ANK2: variants seen among roughly 807,000 people sequenced by gnomAD.
The protein encoded by ANK2 is ankyrin 2, also known as ankyrin-2.
Under a neutral mutation model 360.5 loss-of-function variants are expected in ANK2, and 83 were observed. The observed-to-expected ratio is 0.23, with a 90% CI of 0.19 to 0.28. ANK2 has a LOEUF of 0.28. ANK2 is among the 10% of genes least tolerant of loss of function. The probability of loss-of-function intolerance (pLI) is 1.00; values close to 1 mark genes in which losing one functional copy is unlikely to be tolerated. For missense variants in ANK2, 4,201 were observed against 4,795.7 expected (o/e 0.88, Z 3.66); for synonymous variants, 1,740 against 1,759.5 (o/e 0.99, Z 0.28).
chr4:113,018,200 A>T (rs1320927659), intron 2 of ANK2, among the ~76,000 whole-genome samples: 1 of 152,220 alleles, frequency 6.6e-6, no homozygotes, highest in African/African-American at 2.4e-5. Context: ...GAAATTAATG[A>T]TATAAAACAC....
upstream of ANK2, among the ~76,000 whole-genome samples, chr4:112,814,266 G>A (rs1280502547): frequency 1.3e-5 from 2 of 152,076 alleles, no homozygotes; most frequent in Non-Finnish European, 2.9e-5. Context: ...GAAAACAAGT[G>A]TTAATTACCT....
the ANK2 span, among the ~76,000 whole-genome samples, chr4:112,716,346 C>T: frequency 6.6e-6 from 1 of 152,252 alleles, no homozygotes; most frequent in South Asian, 2.1e-4. Context: ...TCCCTCCAAC[C>T]TTGGCCTCCC....
At chr4:112,716,581 G>A in the ANK2 span, among the ~76,000 whole-genome samples, 1 of 151,998 alleles carries the variant, frequency 6.6e-6, no homozygotes, top group Non-Finnish European at 1.5e-5. Context: ...TAGAGATGGG[G>A]GCCTCCTATA....
chr4:113,277,869 G>T lies in ANK2; in HGVS notation c.1716G>T (p.Lys572Asn), dbSNP rs1252426929. 1 of 1,614,074 alleles carries T rather than the reference G, an allele frequency of 6.2e-7. No individual in the cohort carries two copies. The highest frequency in any genetic ancestry group is 8.5e-7 in the Non-Finnish European group (1 of 1,179,928). Residue 572 changes from lysine (K) to asparagine (N), a missense_variant, in exon 16 of 46, where the codon AAG becomes AAT. Transcript: ENST00000357077. Reference protein sequence around the residue: ...KGFTPLHVAAKYGSLDVAKLL... With the variant: ...KGFTPLHVAANYGSLDVAKLL... ...TTACTCCCCTGCATGTAGCAGCCAA[G>T]TATGGAAGCCTGGATGTGGCAAAAC...
At chr4:113,284,325 G>A (rs936156700) in intron 18 of ANK2, among the ~76,000 whole-genome samples, 1 of 152,122 alleles carries the variant, frequency 6.6e-6, no homozygotes, top group Middle Eastern at 3.4e-3. Context: ...GTATGAAGGG[G>A]GCATGTGTTT....
chr4:113,096,433 A>G (rs1380185758), intron 1 of ANK2, among the ~76,000 whole-genome samples: 2 of 152,116 alleles, frequency 1.3e-5, no homozygotes, highest in African/African-American at 4.8e-5. Flanking sequence ...GGGTCCTTCT[A>G]TCTTGCTTCT....
At chr4:112,881,493 A>G (rs17045093) in intron 1 of ANK2, among the ~76,000 whole-genome samples, 1,524 of 152,350 alleles carry the variant, frequency 0.01, 15 homozygotes, top group African/African-American at 0.026. Flanking sequence ...CAGCTGCTAG[A>G]TATTCAAAGT....
intron 1 of ANK2, among the ~76,000 whole-genome samples, chr4:112,841,020 C>T (rs920941868): frequency 1.3e-5 from 2 of 152,202 alleles, no homozygotes; most frequent in African/African-American, 4.8e-5. Context: ...ACAAGGAACA[C>T]TTCTGGAAGT....
At chr4:112,763,982 C>A in the ANK2 span, among the ~76,000 whole-genome samples, 1 of 150,722 alleles carries the variant, frequency 6.6e-6, no homozygotes, top group Non-Finnish European at 1.5e-5. Context: ...CTGGCTCTGT[C>A]GTCCAGGCTG....
chr4:112,911,138 A>ACAAAATTT (rs2087114410), intron 2 of ANK2, among the ~76,000 whole-genome samples: 1 of 136,912 alleles, frequency 7.3e-6, no homozygotes, highest in Non-Finnish European at 1.5e-5. Context: ...TTGTATTTTT[A>ACAAAATTT]GTAGAGACTT....
intron 1 of ANK2, among the ~76,000 whole-genome samples, chr4:112,832,425 A>C (rs1427547560): frequency 1.3e-5 from 2 of 152,250 alleles, no homozygotes; most frequent in African/African-American, 4.8e-5. Flanking sequence ...TTGGAAGAAA[A>C]AAATAGATTT....
chr4:112,723,070 T>C, the ANK2 span, among the ~76,000 whole-genome samples: 6 of 152,216 alleles, frequency 3.9e-5, no homozygotes, highest in African/African-American at 7.2e-5. Flanking sequence ...AACTAAGTTT[T>C]GGTTGGGAGA....
chr4:112,712,252 G>A, the ANK2 span, among the ~76,000 whole-genome samples: 2 of 149,572 alleles, frequency 1.3e-5, no homozygotes, highest in Admixed American at 1.3e-4. Context: ...ACTAATTTTT[G>A]TATTTTTAGT....
the ANK2 span, among the ~76,000 whole-genome samples, chr4:112,748,940 C>G: frequency 6.6e-6 from 1 of 152,202 alleles, no homozygotes; most frequent in Non-Finnish European, 1.5e-5. Flanking sequence ...GCTCTTGTCA[C>G]CCAGGCTGGA....
In ANK2 at chr4:113,094,096, A is replaced by G. The variant is rs146376338; in HGVS notation, c.84+44284A>G. 9.3e-3 allele frequency among the ~76,000 whole-genome samples: 1,419 copies of G among 152,286 alleles called. 7 individuals carry two copies. The highest frequency in any genetic ancestry group is 0.016 in the Admixed American group (250 of 15,294). On this transcript the variant is annotated intron_variant, in intron 1 of 45. Transcript: ENST00000357077. ...TTCTCTTTTTCAATTATTAATGATAAATCTTCCCAGTGAACATGCAGCCAA... is the reference window on the plus strand; with the variant it reads ...TTCTCTTTTTCAATTATTAATGATAGATCTTCCCAGTGAACATGCAGCCAA...
intron 1 of ANK2, among the ~76,000 whole-genome samples, chr4:113,143,300 C>A (rs79869522): frequency 5.8e-5 from 2 of 34,214 alleles, no homozygotes; most frequent in Non-Finnish European, 1.2e-4. Flanking sequence ...AAAGGCATGG[C>A]GGTGGAATGG....
At chr4:112,982,317 A>G (rs1381977665) in intron 2 of ANK2, among the ~76,000 whole-genome samples, 2 of 152,172 alleles carry the variant, frequency 1.3e-5, no homozygotes, top group Admixed American at 6.5e-5. Context: ...ATCTTTGACA[A>G]ATGCTGAAAA....
At chr4:112,751,288 G>C in the ANK2 span, among the ~76,000 whole-genome samples, 1 of 152,256 alleles carries the variant, frequency 6.6e-6, no homozygotes, top group South Asian at 2.1e-4. Flanking sequence ...CAAGCGACCC[G>C]TGAAAGAGAA....
At chr4:112,974,911 T>C (rs1389583534) in intron 2 of ANK2, among the ~76,000 whole-genome samples, 1 of 151,938 alleles carries the variant, frequency 6.6e-6, no homozygotes, top group Non-Finnish European at 1.5e-5. Context: ...AGAAGGATTA[T>C]CGAAAGGGGA....
Sources: allele counts gnomAD v4.1 joint callset (sites outside exome capture counted in the v4.1 genomes callset), GRCh38; gene constraint gnomAD v4.1.1; transcripts MANE v1.5; gene names NCBI Gene and HGNC (gene_info 2026-07-23, HGNC 2026-07-21).